EPB41L4A: variants seen among roughly 807,000 people sequenced by gnomAD.
EPB41L4A encodes the protein erythrocyte membrane protein band 4.1 like 4A, also known as band 4.1-like protein 4A.
EPB41L4A carries 100 observed loss-of-function variants against 108.6 expected under a neutral mutation model. The ratio of observed to expected loss-of-function variants is 0.92; its 90% CI spans 0.78 to 1.09. The LOEUF (loss-of-function observed/expected upper bound fraction) is 1.09, where lower values mean the gene tolerates loss of function less well. EPB41L4A is among the 50% of genes least tolerant of loss of function. The pLI is 0.00. For synonymous variants in EPB41L4A, 319 were observed against 289.0 expected, an observed-to-expected ratio of 1.10 and a Z score of -1.05; for missense variants, 1,030 against 842.7, an observed-to-expected ratio of 1.22 and a Z score of -2.75.
intron 4 of EPB41L4A, among the ~76,000 whole-genome samples, chr5:112,268,399 A>C (rs1040942420): frequency 2.6e-5 from 4 of 152,060 alleles, no homozygotes; most frequent in African/African-American, 7.2e-5. Flanking sequence ...CAAAAAAAAA[A>C]CCTTATAAAC....
chr5:112,145,823 G>A, intron 13 of EPB41L4A: 1 of 427,522 alleles, frequency 2.3e-6, no homozygotes, highest in Admixed American at 2.6e-5. Context: ...TCCTCCATTT[G>A]ATATCAATCT....
At chr5:112,291,190 A>T (rs1753615033) in intron 2 of EPB41L4A, among the ~76,000 whole-genome samples, 1 of 152,042 alleles carries the variant, frequency 6.6e-6, no homozygotes, top group African/African-American at 2.4e-5. Context: ...GAGCCTACAA[A>T]AGCCTGCTGG....
chr5:112,165,535 TC>T (rs1202269239), intron 22 of EPB41L4A, among the ~76,000 whole-genome samples: 6 of 152,164 alleles, frequency 3.9e-5, no homozygotes, highest in Non-Finnish European at 5.9e-5. Flanking sequence ...TGAGCCCCTA[TC>T]ACTTGTCTCA....
intron 1 of EPB41L4A, among the ~76,000 whole-genome samples, chr5:112,368,249 C>T (rs1365929807): frequency 6.6e-6 from 1 of 152,072 alleles, no homozygotes; most frequent in East Asian, 1.9e-4. Context: ...TCTCTTTGCC[C>T]CTTACTTGTA....
At chr5:112,389,445 A>T (rs1760783625) in intron 1 of EPB41L4A, among the ~76,000 whole-genome samples, 1 of 152,224 alleles carries the variant, frequency 6.6e-6, no homozygotes, top group Non-Finnish European at 1.5e-5. Flanking sequence ...CTTTTCAGAA[A>T]TCAGGAGAGA....
At chr5:112,294,241 A>G (rs952689287) in intron 2 of EPB41L4A, among the ~76,000 whole-genome samples, 2 of 152,200 alleles carry the variant, frequency 1.3e-5, no homozygotes, top group Non-Finnish European at 2.9e-5. Context: ...TAAAATGAAC[A>G]GCAGGAGAGG....
intron 12 of EPB41L4A, among the ~76,000 whole-genome samples, chr5:112,221,039 A>T (rs1445021880): frequency 1.3e-5 from 2 of 152,198 alleles, no homozygotes; most frequent in Admixed American, 6.5e-5. Flanking sequence ...AACTTATATT[A>T]AACAAAGTTG....
intron 1 of EPB41L4A, 95 bp downstream of exon 1, chr5:112,418,846 G>C: frequency 1.1e-6 from 1 of 926,360 alleles, no homozygotes; most frequent in African/African-American, 1.7e-5. Flanking sequence ...AGTCGCGGCC[G>C]CCGCCCTCGA....
At chr5:112,286,258 GA>G (rs902545918) in intron 2 of EPB41L4A, among the ~76,000 whole-genome samples, 9 of 149,650 alleles carry the variant, frequency 6.0e-5, no homozygotes, top group East Asian at 3.9e-4. Flanking sequence ...ATATCTACAG[GA>G]AAAAAAAACA....
chr5:112,305,545 T>G (rs1279448423), intron 2 of EPB41L4A, among the ~76,000 whole-genome samples: 1 of 152,158 alleles, frequency 6.6e-6, no homozygotes, highest in Non-Finnish European at 1.5e-5. Flanking sequence ...TCCTTATTTG[T>G]TTTAAGTAAC....
At chr5:112,417,003 A>C (rs1762755536) in intron 1 of EPB41L4A, among the ~76,000 whole-genome samples, 1 of 152,240 alleles carries the variant, frequency 6.6e-6, no homozygotes, top group Admixed American at 6.5e-5. Context: ...TAATTGTGGC[A>C]TGCTTTTGTG....
chr5:112,294,587 ACT>A (rs1361465821), intron 2 of EPB41L4A, among the ~76,000 whole-genome samples: 9 of 152,130 alleles, frequency 5.9e-5, no homozygotes, highest in African/African-American at 2.2e-4. Flanking sequence ...GAAACACCAC[ACT>A]CTGTGGATGG....
chr5:112,166,767 T>G (rs1760272959), intron 22 of EPB41L4A, among the ~76,000 whole-genome samples: 2 of 152,246 alleles, frequency 1.3e-5, no homozygotes, highest in African/African-American at 4.8e-5. Flanking sequence ...GTGTCACGTG[T>G]TACTGTTATT....
chr5:112,392,385 C>T (rs1761007129), intron 1 of EPB41L4A, among the ~76,000 whole-genome samples: 1 of 117,926 alleles, frequency 8.5e-6, no homozygotes, highest in African/African-American at 3.3e-5. Context: ...GGAAGATCTA[C>T]CAAGCAAATG....
intron 9 of EPB41L4A, chr5:112,257,069 T>G (rs1047558592): frequency 6.6e-6 from 1 of 152,190 alleles, no homozygotes; most frequent in Non-Finnish European, 1.5e-5. Flanking sequence ...CCATTCTTCA[T>G]GCTGAATGTG....
rs548625144 is a variant in EPB41L4A at position 112,164,813 on chromosome 5, G to A, written c.*177C>T. 9.5e-4 allele frequency: 553 copies of A among 579,630 alleles called. 6 individuals are homozygous for A. The highest frequency in any genetic ancestry group is 9.5e-3 in the African/African-American group (454 of 47,818). 35.9% of individuals were successfully genotyped at this position (579,630 alleles called of 1,614,324 possible). A position where few individuals can be genotyped will look rare whatever the true frequency, so the allele number is the denominator to read the frequency against. ...GGTGCCGCTGCACTCCAGCCTGGGC[G>A]ACAGAGTGATAACATCTCAAAAAAA... is the stretch of plus-strand genomic sequence containing the variant. On this transcript the variant is annotated 3_prime_UTR_variant, in exon 23 of 23. Coordinates refer to ENST00000261486, the MANE Select transcript of EPB41L4A (RefSeq NM_022140.5).
intron 9 of EPB41L4A, among the ~76,000 whole-genome samples, chr5:112,248,835 C>T (rs566109894): frequency 6.6e-6 from 1 of 152,216 alleles, no homozygotes; most frequent in East Asian, 1.9e-4. Flanking sequence ...TGGGCCTAGT[C>T]CCATTTCAGT....
At chr5:112,419,654 GCGCAGGGGCAGAGGCGAAGGT>G (rs1279230696), upstream of EPB41L4A, 1 of 456,494 alleles carries the variant, frequency 2.2e-6, no homozygotes, top group Non-Finnish European at 4.4e-6. Context: ...CCGACCATGG[GCGCAGGGGCAGAGGCGAAGGT>G]CGTCGCTCCG....
intron 7 of EPB41L4A, among the ~76,000 whole-genome samples, chr5:112,261,669 C>T (rs950184352): frequency 1.9e-4 from 29 of 152,036 alleles, no homozygotes; most frequent in African/African-American, 6.3e-4. Flanking sequence ...TTTTCATAAA[C>T]CACTGAAAAA....
Sources: allele counts gnomAD v4.1 joint callset (sites outside exome capture counted in the v4.1 genomes callset), GRCh38; gene constraint gnomAD v4.1.1; transcripts MANE v1.5; gene names NCBI Gene and HGNC (gene_info 2026-07-23, HGNC 2026-07-21).